CDYL2: variants seen among roughly 807,000 people sequenced by gnomAD.
The protein encoded by CDYL2 is chromodomain Y-like protein 2.
Under a neutral mutation model 49.4 loss-of-function variants are expected in CDYL2, and 23 were observed. The observed-to-expected ratio is 0.47, with a 90% CI of 0.34 to 0.66. CDYL2 has a LOEUF of 0.66. CDYL2 is among the 30% of genes least tolerant of loss of function. CDYL2 has a pLI of 0.01. For synonymous variants in CDYL2, 360 were observed against 268.8 expected, an observed-to-expected ratio of 1.34 and a Z score of -3.32; for missense variants, 678 against 656.4, an observed-to-expected ratio of 1.03 and a Z score of -0.36.
chr16:80,745,841 T>C lies in CDYL2; in HGVS notation c.24+58309A>G, dbSNP rs528469413. ...GGTTTCTCCAGCGACCTTCCACTTA[T>C]GTTGTCCCTCTTGACCCAGAAGACA... On this transcript the variant is annotated intron_variant, in intron 1 of 6. Transcript: ENST00000570137. 6.6e-5 allele frequency among the ~76,000 whole-genome samples: 10 copies of C among 152,308 alleles called. No homozygotes were observed. The East Asian group carries it at 1.5e-3, about 24-fold the overall frequency.
chr16:80,790,999 G>A (rs778755572), intron 1 of CDYL2, among the ~76,000 whole-genome samples: 1 of 152,204 alleles, frequency 6.6e-6, no homozygotes, highest in African/African-American at 2.4e-5. Context: ...TCCTTCAACA[G>A]AGTATATGAG....
At chr16:80,796,316 G>T (rs936665251) in intron 1 of CDYL2, among the ~76,000 whole-genome samples, 36 of 152,204 alleles carry the variant, frequency 2.4e-4, no homozygotes, top group African/African-American at 8.7e-4. Flanking sequence ...ATTATGAACT[G>T]TAATCAAATC....
intron 2 of CDYL2, among the ~76,000 whole-genome samples, chr16:80,653,813 C>G (rs1908688536): frequency 6.6e-6 from 1 of 152,220 alleles, no homozygotes; most frequent in South Asian, 2.1e-4. Flanking sequence ...AGCTTGAGAA[C>G]TTCAACCCAT....
chr16:80,689,064 G>A (rs1233460293), intron 1 of CDYL2, among the ~76,000 whole-genome samples: 1 of 151,426 alleles, frequency 6.6e-6, no homozygotes, highest in Admixed American at 6.6e-5. Flanking sequence ...CCCTTTATTT[G>A]CACATATGAA....
At chr16:80,763,014 A>G (rs1272774800) in intron 1 of CDYL2, among the ~76,000 whole-genome samples, 1 of 152,170 alleles carries the variant, frequency 6.6e-6, no homozygotes, top group African/African-American at 2.4e-5. Flanking sequence ...TAAATGGTTG[A>G]CAGAAACATT....
intron 1 of CDYL2, among the ~76,000 whole-genome samples, chr16:80,686,819 A>T (rs1910214197): frequency 6.6e-6 from 1 of 152,222 alleles, no homozygotes; most frequent in South Asian, 2.1e-4. Flanking sequence ...TTCATAGACA[A>T]TTTAAATTGT....
chr16:80,617,716 C>T (rs117529201), intron 4 of CDYL2, among the ~76,000 whole-genome samples: 21 of 152,324 alleles, frequency 1.4e-4, no homozygotes, highest in South Asian at 4.1e-4. Flanking sequence ...CATCCATCTT[C>T]GCTCATCGTC....
At chr16:80,651,158 C>G (rs1333856752) in intron 2 of CDYL2, among the ~76,000 whole-genome samples, 1 of 152,038 alleles carries the variant, frequency 6.6e-6, no homozygotes, top group Non-Finnish European at 1.5e-5. Flanking sequence ...GGTGGATACC[C>G]CATTTTCTAT....
chr16:80,720,610 G>A (rs1434908578), intron 1 of CDYL2, among the ~76,000 whole-genome samples: 1 of 152,188 alleles, frequency 6.6e-6, no homozygotes, highest in Non-Finnish European at 1.5e-5. Context: ...CTTCAACGTG[G>A]CTTCTGAAAC....
In CDYL2 at chr16:80,630,035, G is replaced by A. The variant is rs1288303408; in HGVS notation, c.834+2984C>T. 7.9e-5 allele frequency among the ~76,000 whole-genome samples: 12 copies of A among 152,320 alleles called. No individual in the cohort carries two copies. The East Asian group carries it at 2.1e-3, about 27-fold the overall frequency. On this transcript the variant is annotated intron_variant, in intron 3 of 6. Coordinates refer to ENST00000570137, the MANE Select transcript of CDYL2 (RefSeq NM_152342.4). ...AGGTAACAGCATGGTAAGTTGAAGG[G>A]AGGATTGGAAGCCAGGTCTGCTAGA...
In CDYL2 at chr16:80,601,688, G is replaced by T. The variant is rs1036492864; in HGVS notation, c.*2700C>A. On this transcript the variant is annotated 3_prime_UTR_variant, in exon 7 of 7. Transcript: ENST00000570137. ...TACACATGATCAAAACAACTACCCA[G>T]AAAGTGAAAAATTCAGTCCACCCTG... 1.3e-5 allele frequency: 2 copies of T among 152,088 alleles called. No homozygotes were observed. Among genetic ancestry groups the T allele is most frequent in the African/African-American group, 4.8e-5 (2 of 41,410 alleles). The allele number at this position is 152,088 out of a possible 1,614,324, so 9.4% of individuals were successfully genotyped here. A position where few individuals can be genotyped will look rare whatever the true frequency, so the allele number is the denominator to read the frequency against.
rs77226568 is a variant in CDYL2, at chr16:80,766,024, T to C, written c.24+38126A>G. Among the ~76,000 whole-genome samples the C allele has an allele frequency of 9.7e-3, 1,465 of 151,736 alleles. 31 individuals carry two copies. Among genetic ancestry groups the C allele is most frequent in the African/African-American group, 0.033 (1,361 of 41,352 alleles). Reference sequence around the variant, plus strand: ...TTCCATCTACATGAAACATCCAGAATACACAAATCCATAGAGACGGAAAGT... The same window carrying C: ...TTCCATCTACATGAAACATCCAGAACACACAAATCCATAGAGACGGAAAGT... On this transcript the variant is annotated intron_variant, in intron 1 of 6. Coordinates refer to ENST00000570137, the MANE Select transcript of CDYL2 (RefSeq NM_152342.4).
chr16:80,799,258 TTC>T (rs1337573579), intron 1 of CDYL2, among the ~76,000 whole-genome samples: 3 of 152,168 alleles, frequency 2.0e-5, no homozygotes, highest in Non-Finnish European at 4.4e-5. Context: ...TAGATATTAT[TTC>T]TTTTTTGCTT....
chr16:80,627,178 T>A (rs897778289), intron 3 of CDYL2, among the ~76,000 whole-genome samples: 3 of 152,188 alleles, frequency 2.0e-5, no homozygotes, highest in African/African-American at 7.2e-5. Context: ...AGATATTCAT[T>A]TTGAACATCA....
chr16:80,653,606 G>T (rs1328214083), intron 2 of CDYL2, among the ~76,000 whole-genome samples: 2 of 152,132 alleles, frequency 1.3e-5, no homozygotes, highest in Admixed American at 1.3e-4. Flanking sequence ...GGGTACATGA[G>T]ACGTCCTGAT....
intron 2 of CDYL2, among the ~76,000 whole-genome samples, chr16:80,663,334 G>A (rs1301660453): frequency 5.3e-5 from 8 of 151,800 alleles, no homozygotes; most frequent in Admixed American, 5.3e-4. Context: ...TTCTACAGTT[G>A]AGTGGAACCA....
intron 2 of CDYL2, among the ~76,000 whole-genome samples, chr16:80,635,276 T>A (rs1394996057): frequency 6.6e-6 from 1 of 152,204 alleles, no homozygotes; most frequent in Non-Finnish European, 1.5e-5. Flanking sequence ...CTAGTCCAAT[T>A]GTCTCTGTTT....
chr16:80,727,526 C>T (rs955070633), intron 1 of CDYL2, among the ~76,000 whole-genome samples: 2 of 152,212 alleles, frequency 1.3e-5, no homozygotes, highest in East Asian at 1.9e-4. Context: ...CGGGGAGGGG[C>T]GCCTGCCATT....
chr16:80,731,277 G>C (rs1424142435), intron 1 of CDYL2, among the ~76,000 whole-genome samples: 12 of 152,052 alleles, frequency 7.9e-5, no homozygotes, highest in Non-Finnish European at 1.6e-4. Flanking sequence ...AGGATTAGAA[G>C]ATGAAATTGA....
Sources: allele counts gnomAD v4.1 joint callset (sites outside exome capture counted in the v4.1 genomes callset), GRCh38; gene constraint gnomAD v4.1.1; transcripts MANE v1.5; gene names NCBI Gene and HGNC (gene_info 2026-07-23, HGNC 2026-07-21).